TEKT3: variants seen among roughly 807,000 people sequenced by gnomAD.
The protein encoded by TEKT3 is tektin 3.
A neutral mutation model predicts 49.8 loss-of-function variants in TEKT3; 49 were observed. That is an observed-to-expected ratio of 0.98 (90% CI 0.78 to 1.25). The LOEUF (loss-of-function observed/expected upper bound fraction) is 1.25, where lower values mean the gene tolerates loss of function less well. TEKT3 is among the 50% of genes most tolerant of loss of function. The pLI, the probability that TEKT3 is intolerant of heterozygous loss-of-function variation, is 0.00. For missense variants in TEKT3, 595 were observed against 629.5 expected (o/e 0.95, Z 0.59); for synonymous variants, 225 against 237.2 (o/e 0.95, Z 0.47).
intron 5 of TEKT3, among the ~76,000 whole-genome samples, chr17:15,317,999 T>C (rs1236425708): frequency 6.8e-6 from 1 of 146,862 alleles, no homozygotes; most frequent in Non-Finnish European, 1.5e-5. Context: ...TTCTTTTTTT[T>C]TTTTTTTTGA....
chr17:15,303,947 C>T lies in TEKT3; in HGVS notation c.1462G>A (p.Gly488Ser), dbSNP rs1159377462. Residue 488 changes from glycine to serine, a missense_variant, in exon 9 of 9, where the codon GGC becomes AGC. Gly to Ser is a moderately conservative substitution (Grantham distance 56). Coordinates refer to ENST00000395930, the MANE Select transcript of TEKT3 (RefSeq NM_031898.3). ...ACCCGGTGGGGTCCCTAGCAGAAGC[C>T]GACCAGCCGGAGGGTGTTGGGGTAG... is the stretch of plus-strand genomic sequence containing the variant. ...KSYPNTLRLV[G>S]FC 13 of 1,613,868 alleles carry T rather than the reference C, an allele frequency of 8.1e-6. No individual in the cohort carries two copies. In the East Asian group the frequency reaches 1.3e-4, roughly 17 times the overall value.
intron 2 of TEKT3, among the ~76,000 whole-genome samples, chr17:15,332,686 G>A (rs1351167434): frequency 6.6e-6 from 1 of 152,190 alleles, no homozygotes; most frequent in Non-Finnish European, 1.5e-5. Flanking sequence ...ATGGGGTTAT[G>A]AGGGCTAAGA....
chr17:15,303,883 T>C lies in TEKT3; in HGVS notation c.*53A>G, dbSNP rs1910417807. On this transcript the variant is annotated 3_prime_UTR_variant, in exon 9 of 9. Coordinates refer to ENST00000395930, the MANE Select transcript of TEKT3 (RefSeq NM_031898.3). The stretch of plus-strand genomic sequence containing the variant: ...GCATTCGGTTCAAATGCTGAGACAG[T>C]GCTCTGGCTCAGCCTTAACTTAGGG... 1.3e-6 allele frequency: 2 copies of C among 1,501,100 alleles called. No homozygotes were observed. The highest frequency in any genetic ancestry group is 1.4e-5 in the African/African-American group (1 of 72,472). The allele number at this position is 1,501,100 out of a possible 1,614,324, so 93.0% of individuals were successfully genotyped here. A position where few individuals can be genotyped will look rare whatever the true frequency, so the allele number is the denominator to read the frequency against.
chr17:15,307,977 C>G (rs543348032), intron 8 of TEKT3, among the ~76,000 whole-genome samples: 33 of 152,170 alleles, frequency 2.2e-4, no homozygotes, highest in African/African-American at 8.0e-4. Context: ...TAATAAAATT[C>G]ATGTAGTGTT....
chr17:15,327,055 G>A (rs538425799), intron 4 of TEKT3, among the ~76,000 whole-genome samples: 447 of 151,548 alleles, frequency 2.9e-3, no homozygotes, highest in African/African-American at 0.011. Context: ...AGTAACTACA[G>A]TTATCAGTAA....
intron 4 of TEKT3, among the ~76,000 whole-genome samples, chr17:15,323,809 A>G (rs78611672): frequency 8.5e-4 from 130 of 152,266 alleles, no homozygotes; most frequent in Non-Finnish European, 1.6e-3. Flanking sequence ...CTAATTGCAC[A>G]TTCAGTTTTT....
chr17:15,333,794 C>T lies in TEKT3; in HGVS notation c.-29-2180G>A, dbSNP rs141389888. 5.3e-3 allele frequency among the ~76,000 whole-genome samples: 757 copies of T among 142,324 alleles called. 6 individuals carry two copies. Among genetic ancestry groups the T allele is most frequent in the African/African-American group, 0.018 (730 of 40,264 alleles). The allele number at this position is 142,324 out of a possible 152,430, so 93.4% of individuals were successfully genotyped here. A position where few individuals can be genotyped will look rare whatever the true frequency, so the allele number is the denominator to read the frequency against. ...TTTATTTTTTAGACAGAGTCTCGCT[C>T]TGTCGCCCAGGCTCCAGTGCAGTGG... On this transcript the variant is annotated intron_variant, in intron 2 of 8. Coordinates refer to ENST00000395930, the MANE Select transcript of TEKT3 (RefSeq NM_031898.3).
At chr17:15,333,359 T>C (rs759621218) in intron 2 of TEKT3, among the ~76,000 whole-genome samples, 5 of 152,200 alleles carry the variant, frequency 3.3e-5, no homozygotes, top group Non-Finnish European at 7.4e-5. Context: ...ATCTGTAGAA[T>C]TGCGTTCAAG....
intron 2 of TEKT3, among the ~76,000 whole-genome samples, chr17:15,333,728 T>C: frequency 1.6e-5 from 1 of 61,206 alleles, no homozygotes; most frequent in African/African-American, 1.5e-4. Context: ...TTTGGTTTAT[T>C]TTATTTTATT....
rs1467943145 is a variant in TEKT3 at position 15,304,010 on chromosome 17, A to G, written c.1399T>C (p.Tyr467His). ...YDLAVKANSL[Y>H]IDQEKCMSMR... The stretch of plus-strand genomic sequence containing the variant: ...CTCATGCATTTTTCCTGGTCGATGT[A>G]CAGGGAATTGGCTTTGACAGCCAGG... The change falls in exon 9 of 9, where the codon TAC becomes CAC. Residue 467 changes from tyrosine to histidine, a missense_variant. Coordinates refer to ENST00000395930, the MANE Select transcript of TEKT3 (RefSeq NM_031898.3). The surrounding 1 kb of genome is among the most constrained non-coding windows in gnomAD (Gnocchi z 4.7). The G allele has an allele frequency of 3.1e-6, 5 of 1,614,132 alleles. No individual in the cohort carries two copies. The highest frequency in any genetic ancestry group is 1.7e-5 in the Admixed American group (1 of 60,018).
intron 6 of TEKT3, among the ~76,000 whole-genome samples, chr17:15,313,774 G>T (rs1345696867): frequency 6.6e-6 from 1 of 152,076 alleles, no homozygotes; most frequent in Admixed American, 6.5e-5. Flanking sequence ...ATCCCAAAGT[G>T]CAGGGATTAG....
rs1911469033 is a variant in TEKT3, at chr17:15,325,882, AAAG to A, written c.663+2107_663+2109del. ...CTTGTGAGATTCATCAAAGCCTGGG[AAAG>A]AAGAAACAGAAGAGTGGAGACCCAT... is the stretch of plus-strand genomic sequence containing the variant. On this transcript the variant is annotated intron_variant, in intron 4 of 8. Transcript: ENST00000395930. Among the ~76,000 whole-genome samples, 4 of 152,174 alleles carry A rather than the reference AAAG, an allele frequency of 2.6e-5. No homozygotes were observed. The South Asian group carries it at 8.3e-4, about 32-fold the overall frequency.
At chr17:15,313,829 T>A (rs548513121) in intron 6 of TEKT3, among the ~76,000 whole-genome samples, 15 of 152,342 alleles carry the variant, frequency 9.8e-5, no homozygotes, top group Admixed American at 7.2e-4. Flanking sequence ...TTCTAGGACT[T>A]CTGCATCAGG....
In TEKT3 at chr17:15,331,634, A is replaced by T; in HGVS notation, c.-29-20T>A. On this transcript the variant is annotated intron_variant, in intron 2 of 8. Coordinates refer to ENST00000395930, the MANE Select transcript of TEKT3 (RefSeq NM_031898.3). The stretch of plus-strand genomic sequence containing the variant: ...TCTCTCCTGTTAAAAAATAAAAAGT[A>T]AAATAAGACAGTCACATAAAATAAT... 1 of 1,513,880 alleles carries T rather than the reference A, an allele frequency of 6.6e-7. No individual in the cohort carries two copies. Among genetic ancestry groups the T allele is most frequent in the Non-Finnish European group, 8.9e-7 (1 of 1,122,604 alleles). The allele number at this position is 1,513,880 out of a possible 1,614,324, so 93.8% of individuals were successfully genotyped here. A position where few individuals can be genotyped will look rare whatever the true frequency, so the allele number is the denominator to read the frequency against.
intron 8 of TEKT3, among the ~76,000 whole-genome samples, chr17:15,307,284 G>A (rs559841595): frequency 6.6e-6 from 1 of 152,294 alleles, no homozygotes; most frequent in South Asian, 2.1e-4. Flanking sequence ...ATTACACAAC[G>A]TAAAACACAG....
Position 15,329,666 on chromosome 17 carries a change from C to T in TEKT3, c.579+1341G>A, listed in dbSNP as rs568287254. ...CTCAGGATTCCTGGGGATTGTGTGC[C>T]TCTGTATGTGTTTTTGTACAGCGGG... is the stretch of plus-strand genomic sequence containing the variant. On this transcript the variant is annotated intron_variant, in intron 3 of 8. Coordinates refer to ENST00000395930, the MANE Select transcript of TEKT3 (RefSeq NM_031898.3). Among the ~76,000 whole-genome samples the T allele has an allele frequency of 4.6e-5, 7 of 152,188 alleles. No individual in the cohort carries two copies. In the East Asian group the frequency reaches 9.6e-4, roughly 21 times the overall value.
chr17:15,321,449 T>C (rs978390910), intron 4 of TEKT3, among the ~76,000 whole-genome samples: 6 of 148,436 alleles, frequency 4.0e-5, no homozygotes, highest in African/African-American at 1.5e-4. Flanking sequence ...TATCCTTCCA[T>C]CTGTACCCAT....
At chr17:15,308,848 C>G (rs1910651464) in intron 7 of TEKT3, 30 bp from the exon 8 acceptor site, 1 of 1,607,552 alleles carries the variant, frequency 6.2e-7, no homozygotes, top group African/African-American at 1.3e-5. Flanking sequence ...CTGCCTGAGG[C>G]TTTGGTGTGG....
chr17:15,311,325 C>A (rs994694185), intron 7 of TEKT3: 3 of 152,158 alleles, frequency 2.0e-5, no homozygotes, highest in Non-Finnish European at 2.9e-5. Context: ...GTGCAAGGTT[C>A]TTAAAAAGAA....
Sources: gnomAD v4.1 joint callset for allele counts (sites outside exome capture counted in the v4.1 genomes callset) on GRCh38, gnomAD v4.1.1 for gene constraint, Gnocchi (gnomAD v3.1) non-coding constraint, MANE v1.5 for transcripts, NCBI Gene and HGNC (gene_info 2026-07-23, HGNC 2026-07-21) for gene names.